The following RAC1 variants were observed in gnomAD, a reference collection of about 807,000 sequenced individuals.
The protein encoded by RAC1 is ras-related C3 botulinum toxin substrate 1.
In RAC1, 2 loss-of-function variants were observed where a neutral mutation model predicts 25.2. The ratio of observed to expected loss-of-function variants is 0.08; its 90% CI spans 0.03 to 0.25. The LOEUF is 0.25. RAC1 is among the 10% of genes least tolerant of loss of function. The pLI, the probability that RAC1 is intolerant of heterozygous loss-of-function variation, is 1.00. For synonymous variants in RAC1, 88 were observed against 94.0 expected (o/e 0.94, Z 0.37); for missense variants, 50 against 235.7 (o/e 0.21, Z 5.16).
intron 3 of RAC1, chr7:6,398,698 G>C: frequency 6.2e-7 from 1 of 1,613,768 alleles, no homozygotes; most frequent in Non-Finnish European, 8.5e-7. Context: ...AACCTCCCGG[G>C]GCAAAGACAA....
At chr7:6,401,080 T>G (rs532955935) in intron 4 of RAC1, among the ~76,000 whole-genome samples, 1 of 152,258 alleles carries the variant, frequency 6.6e-6, no homozygotes, top group East Asian at 1.9e-4. Flanking sequence ...CTCAGCCTCC[T>G]TAGTAGCTGG....
intron 1 of RAC1, among the ~76,000 whole-genome samples, chr7:6,377,058 A>G (rs1181819236): frequency 6.6e-6 from 1 of 151,976 alleles, no homozygotes; most frequent in Non-Finnish European, 1.5e-5. Flanking sequence ...AAGACTAAAC[A>G]AGATGTTGGT....
chr7:6,402,920 C>T lies in RAC1; in HGVS notation c.*474C>T, dbSNP rs1783460146. On this transcript the variant is annotated 3_prime_UTR_variant, in exon 6 of 6. Transcript: ENST00000348035. The stretch of plus-strand genomic sequence containing the variant: ...AGATGCGTAAAGCAGAACAGCCTCC[C>T]GAATGAAGCGTTGCCATTGAACTCA... The T allele has an allele frequency of 1.0e-5, 2 of 191,242 alleles. No individual in the cohort carries two copies. The highest frequency in any genetic ancestry group is 8.3e-5 in the East Asian group (1 of 11,986). The allele number at this position is 191,242 out of a possible 1,614,324, so 11.8% of individuals were successfully genotyped here.
At chr7:6,399,484 C>T (rs1440913559) in intron 3 of RAC1, among the ~76,000 whole-genome samples, 2 of 152,240 alleles carry the variant, frequency 1.3e-5, no homozygotes, top group Admixed American at 6.5e-5. Flanking sequence ...GAAGCACCCT[C>T]TACTCTGTCC....
rs1007086889 is a variant in RAC1 at position 6,387,077 on chromosome 7, A to G, written c.36-135A>G. On this transcript the variant is annotated intron_variant, in intron 1 of 5. Coordinates refer to ENST00000348035, the MANE Select transcript of RAC1 (RefSeq NM_006908.5). The stretch of plus-strand genomic sequence containing the variant: ...TGTATGTGGTGATAAAGGGTTATAG[A>G]AAACATTTTCTTTAATGCTAAGTAT... The G allele has an allele frequency of 7.0e-5, 41 of 585,924 alleles. No homozygotes were observed. In the South Asian group the frequency reaches 8.6e-4, roughly 12 times the overall value. 36.3% of individuals were successfully genotyped at this position (585,924 alleles called of 1,614,324 possible).
intron 1 of RAC1, 58 bp downstream of exon 1, chr7:6,374,828 G>A: frequency 9.3e-7 from 1 of 1,073,870 alleles, no homozygotes. Context: ...GAGGGGGGTT[G>A]GGCCCGGACT....
chr7:6,374,914 C>CGCGG, intron 1 of RAC1, 144 bp downstream of exon 1: 1 of 618,906 alleles, frequency 1.6e-6, no homozygotes, highest in Non-Finnish European at 2.0e-6. Context: ...GGGCGGGGGC[C>CGCGG]GCGGGCGGGC....
rs34847745 is a variant in RAC1 at position 6,383,784 on chromosome 7, CTTTTTTTTTTTTTTTTTTTT to C, written c.36-3412_36-3393del. ...GTTAAGGTTTTTACACAACCTTTAT[CTTTTTTTTTTTTTTTTTTTT>C]TTTTTTTTTTTTTTTGAGACGGAGT... On this transcript the variant is annotated intron_variant, in intron 1 of 5. Coordinates refer to ENST00000348035, the MANE Select transcript of RAC1 (RefSeq NM_006908.5). Among the ~76,000 whole-genome samples, 12 of 39,804 alleles carry C rather than the reference CTTTTTTTTTTTTTTTTTTTT, an allele frequency of 3.0e-4. 1 individual carries two copies. In the South Asian group the frequency reaches 5.1e-3, roughly 17 times the overall value. The allele number at this position is 39,804 out of a possible 152,430, so 26.1% of individuals were successfully genotyped here. A position where few individuals can be genotyped will look rare whatever the true frequency, so the allele number is the denominator to read the frequency against.
chr7:6,395,772 T>A (rs946035915), intron 3 of RAC1, among the ~76,000 whole-genome samples: 10 of 152,328 alleles, frequency 6.6e-5, no homozygotes, highest in African/African-American at 2.4e-4. Context: ...TTTACAGGAT[T>A]ACAGGCGTGA....
intron 1 of RAC1, 40 bp downstream of exon 1, chr7:6,374,810 C>G: frequency 3.6e-6 from 4 of 1,099,250 alleles, no homozygotes; most frequent in Non-Finnish European, 4.4e-6. Context: ...GCCGCGGGAT[C>G]GGGCGCGGAG....
At chr7:6,400,031 T>C (rs749096725) in intron 3 of RAC1, 95 bp from the exon 4 acceptor site, 54 of 1,116,910 alleles carry the variant, frequency 4.8e-5, no homozygotes, top group Non-Finnish European at 6.6e-5. Context: ...ACGCTCTGCG[T>C]CCAACAAGTC....
intron 2 of RAC1, among the ~76,000 whole-genome samples, chr7:6,390,453 A>C (rs1419655280): frequency 6.6e-6 from 1 of 151,918 alleles, no homozygotes; most frequent in Non-Finnish European, 1.5e-5. Flanking sequence ...TACAAAAATT[A>C]ACCGGGCATG....
intron 1 of RAC1, among the ~76,000 whole-genome samples, chr7:6,379,302 T>A (rs1156676944): frequency 6.7e-6 from 1 of 148,418 alleles, no homozygotes; most frequent in Non-Finnish European, 1.5e-5. Context: ...AGAAGGAGTT[T>A]TCGCCCTTTT....
At chr7:6,400,084 A>G (rs775143705) in intron 3 of RAC1, 42 bp from the exon 4 acceptor site, 2 of 1,536,640 alleles carry the variant, frequency 1.3e-6, no homozygotes, top group African/African-American at 2.7e-5. Context: ...GCTTCATTCT[A>G]AGGTTGTTGT....
chr7:6,393,729 G>GGTAGTTCACAGAAAA (rs1304632000), intron 3 of RAC1, among the ~76,000 whole-genome samples: 14 of 152,168 alleles, frequency 9.2e-5, no homozygotes, highest in Non-Finnish European at 1.8e-4. Flanking sequence ...CTTGCCCTCA[G>GGTAGTTCACAGAAAA]GTAGTTCACA....
chr7:6,392,691 ACTTTT>A (rs1452961336), intron 3 of RAC1, among the ~76,000 whole-genome samples: 5 of 152,192 alleles, frequency 3.3e-5, no homozygotes, highest in African/African-American at 9.7e-5. Context: ...ATTAAAAGTT[ACTTTT>A]CTTTAAGCAG....
At chr7:6,378,161 A>G (rs1782657746) in intron 1 of RAC1, among the ~76,000 whole-genome samples, 1 of 150,906 alleles carries the variant, frequency 6.6e-6, no homozygotes, top group Admixed American at 6.6e-5. Context: ...CTGTGTAAAT[A>G]ATTCCTTCAT....
chr7:6,400,008 A>G (rs1362711002), intron 3 of RAC1, 118 bp from the exon 4 acceptor site: 4 of 923,412 alleles, frequency 4.3e-6, no homozygotes, highest in Non-Finnish European at 7.1e-6. Flanking sequence ...GTCTGACCAC[A>G]CCACTGGTAG....
chr7:6,402,175 T>C, intron 5 of RAC1, 141 bp from the exon 6 acceptor site: 1 of 1,454,228 alleles, frequency 6.9e-7, no homozygotes, highest in East Asian at 2.3e-5. Context: ...CCTGTGGGTC[T>C]TAACGTCAGC....
Sources: gnomAD v4.1 joint callset for allele counts (sites outside exome capture counted in the v4.1 genomes callset) on GRCh38, gnomAD v4.1.1 for gene constraint, MANE v1.5 for transcripts, NCBI Gene and HGNC (gene_info 2026-07-23, HGNC 2026-07-21) for gene names.